Variants in LANCL2 observed in about 807,000 individuals in gnomAD.
The protein encoded by LANCL2 is LanC like glutathione S-transferase 2, also known as lanC-like protein 2.
A neutral mutation model predicts 56.9 loss-of-function variants in LANCL2; 33 were observed. The ratio of observed to expected loss-of-function variants is 0.58; its 90% CI spans 0.44 to 0.78. LANCL2 has a LOEUF of 0.78. LANCL2 is among the 30% of genes least tolerant of loss of function. LANCL2 has a pLI of 0.00. For missense variants in LANCL2, 562 were observed against 580.2 expected (o/e 0.97, Z 0.32); for synonymous variants, 233 against 228.2 (o/e 1.02, Z -0.19).
intron 1 of LANCL2, among the ~76,000 whole-genome samples, chr7:55,389,787 G>A (rs758272888): frequency 6.6e-6 from 1 of 152,158 alleles, no homozygotes; most frequent in Non-Finnish European, 1.5e-5. Context: ...TTATAAAAGG[G>A]GAAAAGGCAG....
In LANCL2 at chr7:55,398,576, C is replaced by G; in HGVS notation, c.476C>G (p.Ala159Gly). The G allele has an allele frequency of 1.9e-6, 3 of 1,614,130 alleles. No individual in the cohort carries two copies. The highest frequency in any genetic ancestry group is 1.3e-5 in the African/African-American group (1 of 75,052). Reference protein sequence around the residue: ...CGDAGPLAVGAVIYHKLRSDC... With the variant: ...CGDAGPLAVGGVIYHKLRSDC... ...GATGCTGGCCCCCTGGCTGTTGGAGCTGTGATTTATCACAAACTCAGAAGT... is the reference window on the plus strand; with the variant it reads ...GATGCTGGCCCCCTGGCTGTTGGAGGTGTGATTTATCACAAACTCAGAAGT... The change falls in exon 3 of 9, where the codon GCT (alanine) becomes GGT (glycine). Residue 159 changes from alanine to glycine, a missense_variant. This residue lies in a region of LANCL2 where 378 missense variants were observed against 468.4 expected (regional missense o/e 0.81). Transcript: ENST00000254770.
chr7:55,401,386 G>T (rs977469100), intron 5 of LANCL2, 66 bp downstream of exon 5: 2 of 1,423,446 alleles, frequency 1.4e-6, no homozygotes, highest in Non-Finnish European at 2.0e-6. Context: ...AATGAATCCT[G>T]CATATAAACA....
At chr7:55,425,526 G>C (rs1341349947) in intron 7 of LANCL2, 96 bp downstream of exon 7, 1 of 1,132,690 alleles carries the variant, frequency 8.8e-7, no homozygotes, top group African/African-American at 1.5e-5. Context: ...CTTTTAACCT[G>C]TTTCTCCCAG....
intron 1 of LANCL2, among the ~76,000 whole-genome samples, chr7:55,366,896 T>C (rs916516705): frequency 6.6e-6 from 1 of 152,158 alleles, no homozygotes; most frequent in African/African-American, 2.4e-5. Context: ...GAGAGTAAAG[T>C]GTGCGGGGAG....
intron 6 of LANCL2, among the ~76,000 whole-genome samples, chr7:55,418,550 A>G (rs950918626): frequency 2.0e-5 from 3 of 152,146 alleles, no homozygotes; most frequent in Non-Finnish European, 4.4e-5. Context: ...AGCTTTTTAT[A>G]CATTACTTAG....
chr7:55,366,651 CAAAG>C (rs763585590), intron 1 of LANCL2, among the ~76,000 whole-genome samples: 65 of 152,314 alleles, frequency 4.3e-4, no homozygotes, highest in Non-Finnish European at 8.1e-4. Flanking sequence ...CTCTCGCCGA[CAAAG>C]AAGCATTGTC....
chr7:55,401,813 C>A (rs1297408014), intron 5 of LANCL2, among the ~76,000 whole-genome samples: 1 of 127,676 alleles, frequency 7.8e-6, no homozygotes, highest in Non-Finnish European at 1.7e-5. Context: ...ATCCATTTAA[C>A]CCTGAGTGGA....
intron 1 of LANCL2, among the ~76,000 whole-genome samples, chr7:55,366,763 A>AT (rs1349810214): frequency 6.6e-6 from 1 of 152,234 alleles, no homozygotes; most frequent in Non-Finnish European, 1.5e-5. Context: ...TTACATTGAC[A>AT]TAAAACAGAT....
intron 1 of LANCL2, among the ~76,000 whole-genome samples, chr7:55,367,411 CTCT>C (rs1244227745): frequency 1.3e-5 from 2 of 152,208 alleles, no homozygotes; most frequent in Non-Finnish European, 2.9e-5. Context: ...GTAAACCTCT[CTCT>C]TCTTGAATGT....
intron 6 of LANCL2, among the ~76,000 whole-genome samples, chr7:55,420,342 T>G (rs1790594507): frequency 6.6e-6 from 1 of 152,266 alleles, no homozygotes; most frequent in Admixed American, 6.5e-5. Flanking sequence ...GTGGGTTGTG[T>G]GTTTTTCAGA....
rs1396467808 is a variant in LANCL2, at chr7:55,401,208, T to C, written c.713T>C (p.Leu238Ser). The C allele has an allele frequency of 3.1e-6, 5 of 1,614,158 alleles. No individual in the cohort carries two copies. In the East Asian group the frequency reaches 8.9e-5, roughly 29 times the overall value. ...GCTATTATTGAATCGGGTAAGACTT[T>C]GTCAAGGGAAGAAAGAAAAACGGAG... ...VNAIIESGKT[L>S]SREERKTERC... Residue 238 changes from leucine (L) to serine (S), a missense_variant, in exon 5 of 9, where the codon TTG (leucine) becomes TCG (serine). Transcript: ENST00000254770.
intron 6 of LANCL2, among the ~76,000 whole-genome samples, chr7:55,415,334 G>C (rs1790515887): frequency 6.6e-6 from 1 of 152,162 alleles, no homozygotes. Flanking sequence ...CACTGCTTGT[G>C]CCCACACGCC....
At chr7:55,367,316 A>G (rs1789886651) in intron 1 of LANCL2, among the ~76,000 whole-genome samples, 1 of 152,204 alleles carries the variant, frequency 6.6e-6, no homozygotes, top group African/African-American at 2.4e-5. Flanking sequence ...TTGGATCTCC[A>G]TGTATTTCAT....
intron 5 of LANCL2, among the ~76,000 whole-genome samples, chr7:55,409,928 G>GTA (rs1790453506): frequency 6.6e-6 from 1 of 152,208 alleles, no homozygotes; most frequent in African/African-American, 2.4e-5. Flanking sequence ...TATTTGCATA[G>GTA]TATAGTCTGT....
chr7:55,401,436 T>C (rs2128993778), intron 5 of LANCL2, 116 bp downstream of exon 5: 1 of 770,884 alleles, frequency 1.3e-6, no homozygotes, highest in South Asian at 2.3e-5. Flanking sequence ...GAATCGCTGA[T>C]GCGTAACTCT....
chr7:55,428,333 G>C (rs1439870882), intron 7 of LANCL2, 42 bp from the exon 8 acceptor site: 5 of 1,551,166 alleles, frequency 3.2e-6, no homozygotes, highest in Non-Finnish European at 4.5e-6. Context: ...CTTTTCACCA[G>C]GTAGAAACTC....
At chr7:55,392,724 A>T (rs1190652346) in intron 2 of LANCL2, among the ~76,000 whole-genome samples, 1 of 152,110 alleles carries the variant, frequency 6.6e-6, no homozygotes, top group Non-Finnish European at 1.5e-5. Context: ...TTCTAAAGAA[A>T]TGCTTTCTTC....
chr7:55,421,635 G>A (rs1190778722), intron 6 of LANCL2, among the ~76,000 whole-genome samples: 1 of 151,358 alleles, frequency 6.6e-6, no homozygotes, highest in Non-Finnish European at 1.5e-5. Context: ...GAGCGCCACC[G>A]TGCCTGGGCC....
chr7:55,384,547 G>A (rs570539539), intron 1 of LANCL2, among the ~76,000 whole-genome samples: 11 of 151,948 alleles, frequency 7.2e-5, no homozygotes, highest in East Asian at 3.9e-4. Flanking sequence ...GCAAGACTCT[G>A]TCTCTAAAAA....
Sources: allele counts gnomAD v4.1 joint callset (sites outside exome capture counted in the v4.1 genomes callset), GRCh38; gene constraint gnomAD v4.1.1; regional missense constraint gnomAD v4.1.1; transcripts MANE v1.5; gene names NCBI Gene and HGNC (gene_info 2026-07-23, HGNC 2026-07-21).